Variants in KCNQ1 observed in about 807,000 individuals in gnomAD.
KCNQ1 encodes the protein potassium voltage-gated channel subfamily KQT member 1.
A neutral mutation model predicts 72.4 loss-of-function variants in KCNQ1; 49 were observed. The observed-to-expected ratio is 0.68, with a 90% CI of 0.54 to 0.86. The LOEUF (loss-of-function observed/expected upper bound fraction) is 0.86. Ranked by LOEUF, KCNQ1 falls within the 40% of genes least tolerant of loss-of-function variation. The pLI is 0.00. For missense variants in KCNQ1, 790 were observed against 945.1 expected (o/e 0.84, Z 2.15); for synonymous variants, 450 against 412.6 (o/e 1.09, Z -1.10).
At chr11:2,757,301 C>G (rs540977292) in intron 11 of KCNQ1, among the ~76,000 whole-genome samples, 1 of 151,950 alleles carries the variant, frequency 6.6e-6, no homozygotes, top group Non-Finnish European at 1.5e-5. Flanking sequence ...CTGTGAAAAC[C>G]AAAATTAGAA....
chr11:2,698,858 G>C lies in KCNQ1; in HGVS notation c.1514+36777G>C. 1 of 398,624 alleles carries C rather than the reference G, an allele frequency of 2.5e-6. No homozygotes were observed. Among genetic ancestry groups the C allele is most frequent in the Non-Finnish European group, 4.4e-6 (1 of 226,172 alleles). The allele number at this position is 398,624 out of a possible 1,614,324, so 24.7% of individuals were successfully genotyped here. ...AAACCACCATGCGGACTCCAGACCC[G>C]GACTGACTGGGACCCCAACTACTCA... On this transcript the variant is annotated intron_variant, in intron 11 of 15. Transcript: ENST00000155840. This position sits in a 1 kb window ranked among gnomAD's most constrained non-coding sequence, Gnocchi z 5.1.
At chr11:2,572,246 C>T (rs989659469) in intron 5 of KCNQ1, 137 bp downstream of exon 5, 15 of 653,372 alleles carry the variant, frequency 2.3e-5, no homozygotes, top group South Asian at 9.1e-5. Context: ...GGTACCTGAA[C>T]GGGGCCCAGG....
At position 2,493,311 on chromosome 11, in the gene KCNQ1, T is replaced by G. The variant is rs1178387579; in HGVS notation, c.387-34617T>G. Among the ~76,000 whole-genome samples the G allele has an allele frequency of 1.3e-5, 2 of 152,190 alleles. No homozygotes were observed. Among genetic ancestry groups the G allele is most frequent in the African/African-American group, 2.4e-5 (1 of 41,454 alleles). On this transcript the variant is annotated intron_variant, in intron 1 of 15. Coordinates refer to ENST00000155840, the MANE Select transcript of KCNQ1 (RefSeq NM_000218.3). This position sits in a 1 kb window ranked among gnomAD's most constrained non-coding sequence, Gnocchi z 5.3. ...CCCATTCTGTAGGTTGCCTATTCACTCTGATGCTAGCTTCTTTTACTGTGC... is the reference window on the plus strand; with the variant it reads ...CCCATTCTGTAGGTTGCCTATTCACGCTGATGCTAGCTTCTTTTACTGTGC...
chr11:2,448,863 T>G (rs12288463), intron 1 of KCNQ1, among the ~76,000 whole-genome samples: 19,356 of 152,266 alleles, frequency 0.13, 1,272 homozygotes, highest in Middle Eastern at 0.16. Flanking sequence ...TGCCAACATG[T>G]CGAGTGCCTA....
chr11:2,790,277 C>T (rs150508137), intron 15 of KCNQ1, among the ~76,000 whole-genome samples: 5,202 of 152,286 alleles, frequency 0.034, 130 homozygotes, highest in Non-Finnish European at 0.051. Flanking sequence ...CTCGGTGACA[C>T]CAGGAGCTGG....
intron 10 of KCNQ1, among the ~76,000 whole-genome samples, chr11:2,606,120 ATTC>A (rs1235405194): frequency 1.3e-5 from 2 of 152,096 alleles, no homozygotes; most frequent in African/African-American, 2.4e-5. Flanking sequence ...GTTGTGCTTT[ATTC>A]TTTTTTGATG....
Position 2,725,548 on chromosome 11 carries a change from G to A in KCNQ1, c.1515-43296G>A, listed in dbSNP as rs530522214. Among the ~76,000 whole-genome samples, 3 of 152,312 alleles carry A rather than the reference G, an allele frequency of 2.0e-5. No individual in the cohort carries two copies. Among genetic ancestry groups the A allele is most frequent in the East Asian group, 1.9e-4 (1 of 5,190 alleles). The stretch of plus-strand genomic sequence containing the variant: ...GCTGTGGTTTAGGAAGTGCATTCAC[G>A]TGAAGTCGCCAAGTTCAAAGGGCTG... On this transcript the variant is annotated intron_variant, in intron 11 of 15. Coordinates refer to ENST00000155840, the MANE Select transcript of KCNQ1 (RefSeq NM_000218.3). This position sits in a 1 kb window ranked among gnomAD's most constrained non-coding sequence, Gnocchi z 7.2.
At chr11:2,525,718 G>T (rs1847490103) in intron 1 of KCNQ1, among the ~76,000 whole-genome samples, 1 of 152,238 alleles carries the variant, frequency 6.6e-6, no homozygotes, top group Non-Finnish European at 1.5e-5. Flanking sequence ...TGGCTGATCA[G>T]ACTTGTGCTT....
rs568115815 is a variant in KCNQ1, at chr11:2,838,741, C to T, written c.1795-9026C>T. ...CTGGCTTCCCCTGCCCACCTGCCCCCGTGGCCGGGCTGGGGTTTGGCTGAG... is the reference window on the plus strand; with the variant it reads ...CTGGCTTCCCCTGCCCACCTGCCCCTGTGGCCGGGCTGGGGTTTGGCTGAG... On this transcript the variant is annotated intron_variant, in intron 15 of 15. Coordinates refer to ENST00000155840, the MANE Select transcript of KCNQ1 (RefSeq NM_000218.3). Among the ~76,000 whole-genome samples the T allele has an allele frequency of 4.7e-3, 716 of 152,174 alleles. 6 individuals carry two copies. Among genetic ancestry groups the T allele is most frequent in the African/African-American group, 0.016 (666 of 41,522 alleles).
In KCNQ1 at chr11:2,668,016, T is replaced by G. The variant is rs962742407; in HGVS notation, c.1514+5935T>G. Reference sequence around the variant, plus strand: ...CCTTGAGATTAACCACAGGCCTAACTGCTAGCAGCAAGGACCAGCTTTGCC... The same window carrying G: ...CCTTGAGATTAACCACAGGCCTAACGGCTAGCAGCAAGGACCAGCTTTGCC... On this transcript the variant is annotated intron_variant, in intron 11 of 15. Transcript: ENST00000155840. This position sits in a 1 kb window ranked among gnomAD's most constrained non-coding sequence, Gnocchi z 4.3. 2 of 398,498 alleles carry G rather than the reference T, an allele frequency of 5.0e-6. No homozygotes were observed. Among genetic ancestry groups the G allele is most frequent in the African/African-American group, 4.1e-5 (2 of 48,622 alleles). 24.7% of individuals were successfully genotyped at this position (398,498 alleles called of 1,614,324 possible). A position where few individuals can be genotyped will look rare whatever the true frequency, so the allele number is the denominator to read the frequency against.
intron 11 of KCNQ1, chr11:2,689,168 GCTC>G (rs1850547252): frequency 2.5e-6 from 1 of 398,776 alleles, no homozygotes; most frequent in Non-Finnish European, 4.4e-6. Context: ...TCAAGGGCCT[GCTC>G]CTCCTCCTTT....
intron 1 of KCNQ1, among the ~76,000 whole-genome samples, chr11:2,525,876 G>C (rs2299617): frequency 0.16 from 24,850 of 152,216 alleles, 5,273 homozygotes; most frequent in African/African-American, 0.49. Context: ...GCTGCGTCCC[G>C]GGCATGGACT....
intron 15 of KCNQ1, among the ~76,000 whole-genome samples, chr11:2,833,458 G>A (rs1466256968): frequency 6.6e-6 from 1 of 152,192 alleles, no homozygotes; most frequent in Non-Finnish European, 1.5e-5. Context: ...CTTAGGGTGG[G>A]CACCTGGGCG....
At chr11:2,699,492 AGTG>A (rs1850738266) in intron 11 of KCNQ1, 1 of 177,338 alleles carries the variant, frequency 5.6e-6, no homozygotes, top group African/African-American at 4.6e-5. Flanking sequence ...CCCCGGGGAG[AGTG>A]CCGCGCTGAG....
In KCNQ1 at chr11:2,750,261, G is replaced by A. The variant is rs567078984; in HGVS notation, c.1515-18583G>A. ...ATTGGGCCGGAGGCTGAAACAGGAC[G>A]ACAGAGCCCTCAGCCCAGGGCGGAG... On this transcript the variant is annotated intron_variant, in intron 11 of 15. Transcript: ENST00000155840. The surrounding 1 kb of genome is among the most constrained non-coding windows in gnomAD (Gnocchi z 6.3). Among the ~76,000 whole-genome samples the A allele has an allele frequency of 3.9e-5, 6 of 152,216 alleles. No individual in the cohort carries two copies. The highest frequency in any genetic ancestry group is 2.1e-4 in the South Asian group (1 of 4,834).
intron 1 of KCNQ1, among the ~76,000 whole-genome samples, chr11:2,500,216 T>C (rs1356435948): frequency 6.6e-6 from 1 of 152,156 alleles, no homozygotes; most frequent in Non-Finnish European, 1.5e-5. Context: ...TCCTTGAAGA[T>C]ATGAACAGAC....
Position 2,563,943 on chromosome 11 carries a change from T to C in KCNQ1, c.478-6685T>C, listed in dbSNP as rs1372951052. On this transcript the variant is annotated intron_variant, in intron 2 of 15. Transcript: ENST00000155840. This position sits in a 1 kb window ranked among gnomAD's most constrained non-coding sequence, Gnocchi z 7.4. Reference sequence around the variant, plus strand: ...CTAAAGGCTCAAGGACAGCTACAGATGACCACAGCTGGAGTGCGGCAGATA... The same window carrying C: ...CTAAAGGCTCAAGGACAGCTACAGACGACCACAGCTGGAGTGCGGCAGATA... Among the ~76,000 whole-genome samples the C allele has an allele frequency of 3.9e-5, 6 of 152,236 alleles. No homozygotes were observed. Among genetic ancestry groups the C allele is most frequent in the Admixed American group, 3.3e-4 (5 of 15,288 alleles).
At chr11:2,448,553 AGCAGCTGCTGG>A (rs1846077310) in intron 1 of KCNQ1, among the ~76,000 whole-genome samples, 1 of 152,200 alleles carries the variant, frequency 6.6e-6, no homozygotes, top group South Asian at 2.1e-4. Context: ...TGGAGTCTGA[AGCAGCTGCTGG>A]GCAGTTGTTC....
chr11:2,736,102 C>T (rs1024134184), intron 11 of KCNQ1, among the ~76,000 whole-genome samples: 3 of 152,112 alleles, frequency 2.0e-5, no homozygotes, highest in African/African-American at 7.2e-5. Context: ...CTTATACATA[C>T]TTTAGATGCC....
Sources: gnomAD v4.1 joint callset for allele counts (sites outside exome capture counted in the v4.1 genomes callset) on GRCh38, gnomAD v4.1.1 for gene constraint, Gnocchi (gnomAD v3.1) non-coding constraint, MANE v1.5 for transcripts, NCBI Gene and HGNC (gene_info 2026-07-23, HGNC 2026-07-21) for gene names.